KCP: variants seen among roughly 807,000 people sequenced by gnomAD.
KCP encodes the protein kielin/chordin-like protein.
KCP carries 194 observed loss-of-function variants against 212.7 expected under a neutral mutation model. The ratio of observed to expected loss-of-function variants is 0.91; its 90% CI spans 0.81 to 1.03. The LOEUF is 1.03. Ranked by LOEUF, KCP falls within the 50% of genes least tolerant of loss-of-function variation. KCP has a pLI of 0.00. For synonymous variants in KCP, 833 were observed against 865.3 expected, an observed-to-expected ratio of 0.96 and a Z score of 0.65; for missense variants, 2,080 against 2,162.5, an observed-to-expected ratio of 0.96 and a Z score of 0.76.
chr7:128,884,963 G>A, intron 27 of KCP, 100 bp from the exon 28 acceptor site: 1 of 1,486,216 alleles, frequency 6.7e-7, no homozygotes, highest in South Asian at 1.2e-5. Context: ...CTGATCCCAG[G>A]GAGTGGAGTG....
chr7:128,877,827 C>A, intron 38 of KCP, 37 bp from the exon 39 acceptor site: 2 of 1,511,612 alleles, frequency 1.3e-6, no homozygotes, highest in Non-Finnish European at 1.8e-6. Context: ...GACAGCACCA[C>A]TGGCAGCTGG....
rs529095746 is a variant in KCP, at chr7:128,880,615, G to A, written c.3616+4C>T. The A allele has an allele frequency of 1.7e-4, 208 of 1,221,158 alleles. No individual in the cohort carries two copies. In the East Asian group the frequency reaches 4.0e-3, roughly 24 times the overall value. 75.6% of individuals were successfully genotyped at this position (1,221,158 alleles called of 1,614,324 possible). On this transcript the variant is annotated splice_donor_region_variant and intron_variant, in intron 33 of 39. Transcript: ENST00000610776. ...ACCCCTCCCCCATCACCCTGGCTGCGCACCTTGGCATCGCTCACAGCAGCT... is the reference window on the plus strand; with the variant it reads ...ACCCCTCCCCCATCACCCTGGCTGCACACCTTGGCATCGCTCACAGCAGCT...
chr7:128,909,704 T>A (rs748377679), intron 1 of KCP, among the ~76,000 whole-genome samples: 3 of 152,066 alleles, frequency 2.0e-5, no homozygotes, highest in Non-Finnish European at 2.9e-5. Context: ...AGCCGAAGTC[T>A]CCCAGGAGCA....
intron 38 of KCP, 51 bp downstream of exon 38, chr7:128,878,507 T>C (rs1474356739): frequency 1.8e-5 from 27 of 1,506,666 alleles, no homozygotes; most frequent in Non-Finnish European, 2.4e-5. Context: ...CTGAGACTCA[T>C]GCTCAGCTGC....
chr7:128,887,837 A>AT, intron 22 of KCP, among the ~76,000 whole-genome samples: 1 of 150,408 alleles, frequency 6.6e-6, no homozygotes, highest in African/African-American at 2.5e-5. Context: ...ACACACACAC[A>AT]CACACATACA....
At position 128,891,747 on chromosome 7, in the gene KCP, C is replaced by G; in HGVS notation, c.1694G>C (p.Cys565Ser). 6.9e-7 allele frequency: 1 copy of G among 1,448,132 alleles called. No individual in the cohort carries two copies. The highest frequency in any genetic ancestry group is 9.1e-7 in the Non-Finnish European group (1 of 1,098,256). 89.7% of individuals were successfully genotyped at this position (1,448,132 alleles called of 1,614,324 possible). Residue 565 changes from cysteine to serine, a missense_variant, in exon 17 of 40, where the codon TGC (cysteine) becomes TCC (serine). Cys to Ser is a moderately radical substitution (Grantham distance 112). Transcript: ENST00000610776. ...GTGGGCATGGCCTTCCTGGCATCGG[C>G]ACTCCTGGCAGGGGTCTCGGGGGTG... is the stretch of plus-strand genomic sequence containing the variant. ...FSHPRDPCQECRCQEGHAHCQ... is the reference protein window; with the variant it reads ...FSHPRDPCQESRCQEGHAHCQ...
At position 128,888,034 on chromosome 7, in the gene KCP, TACACACACACAC is replaced by T. The variant is rs567635972; in HGVS notation, c.2513-746_2513-735del. ...ACCCACACACAGCCACACACACACATACACACACACACACACACATCCCACATACACAGACAC... is the reference window on the plus strand; with the variant it reads ...ACCCACACACAGCCACACACACACATACACACATCCCACATACACAGACAC... On this transcript the variant is annotated intron_variant, in intron 22 of 39. Transcript: ENST00000610776. Among the ~76,000 whole-genome samples the T allele has an allele frequency of 7.6e-5, 7 of 91,796 alleles. No homozygotes were observed. In the South Asian group the frequency reaches 1.7e-3, roughly 23 times the overall value. The allele number at this position is 91,796 out of a possible 152,430, so 60.2% of individuals were successfully genotyped here.
At chr7:128,886,613 A>G (rs1471233230) in intron 25 of KCP, 42 bp downstream of exon 25, 40 of 1,550,096 alleles carry the variant, frequency 2.6e-5, no homozygotes, top group Non-Finnish European at 3.4e-5. Context: ...CAGAGGTGCT[A>G]TGGTCCAGCT....
chr7:128,887,129 C>T, intron 23 of KCP, 86 bp downstream of exon 23: 1 of 1,261,404 alleles, frequency 7.9e-7, no homozygotes, highest in Non-Finnish European at 1.1e-6. Flanking sequence ...GCCCTTGCCA[C>T]CTGAGTGGAG....
Position 128,887,214 on chromosome 7 carries a change from C to T in KCP, c.2598+1G>A, listed in dbSNP as rs749479519. 1.9e-6 allele frequency: 3 copies of T among 1,551,448 alleles called. No homozygotes were observed. The highest frequency in any genetic ancestry group is 2.0e-5 in the Admixed American group (1 of 50,984). ...CCAAGGTCCTAAAGGGGCTGCCTCA[C>T]CTGGCAGGTGCAGAGGGAGCAGGTA... On this transcript the variant is annotated splice_donor_variant, in intron 23 of 39. Transcript: ENST00000610776. LOFTEE classifies it high-confidence loss of function.
rs150658852 is a variant in KCP, at chr7:128,879,469, C to G, written c.4146+53G>C. 1,386 of 1,472,804 alleles carry G rather than the reference C, an allele frequency of 9.4e-4. 3 individuals are homozygous for G. Among genetic ancestry groups the G allele is most frequent in the Non-Finnish European group, 1.1e-3 (1,218 of 1,084,132 alleles). 91.2% of individuals were successfully genotyped at this position (1,472,804 alleles called of 1,614,324 possible). ...CCCTCTACAGATACAGAGGCCTAAA[C>G]AGGACTGAAGCTCCCAGCAGGCAGC... is the stretch of plus-strand genomic sequence containing the variant. On this transcript the variant is annotated intron_variant, in intron 37 of 39. Coordinates refer to ENST00000610776, the MANE Select transcript of KCP (RefSeq NM_001366122.1).
intron 8 of KCP, 120 bp downstream of exon 8, chr7:128,902,656 AG>A: frequency 6.8e-6 from 6 of 884,684 alleles, no homozygotes; most frequent in South Asian, 6.2e-5. Flanking sequence ...GACAGCGCCT[AG>A]GTCTTCTCCA....
rs1180836230 is a variant in KCP, at chr7:128,886,559, TG to T, written c.2773-3del. ...CCGCACACAGCTGACCTGGCCAGCCTGTAGGAGATGCAGGGACACTGGCTCG... is the reference window on the plus strand; with the variant it reads ...CCGCACACAGCTGACCTGGCCAGCCTTAGGAGATGCAGGGACACTGGCTCG... On this transcript the variant is annotated splice_polypyrimidine_tract_variant and splice_region_variant and intron_variant, in intron 25 of 39. Transcript: ENST00000610776. The T allele has an allele frequency of 6.4e-7, 1 of 1,551,150 alleles. No homozygotes were observed. The highest frequency in any genetic ancestry group is 1.4e-5 in the African/African-American group (1 of 73,106).
intron 37 of KCP, chr7:128,879,097 C>A (rs980171169): frequency 2.8e-6 from 1 of 361,338 alleles, no homozygotes; most frequent in Non-Finnish European, 5.1e-6. Context: ...GAAGTGTACA[C>A]CCTTATTCTA....
rs1324871421 is a variant in KCP at position 128,910,666 on chromosome 7, A to G, written c.11T>C (p.Val4Ala). The change falls in exon 1 of 40, where the codon GTC (valine) becomes GCC (alanine). Residue 4 changes from valine to alanine, a missense_variant. Physicochemically the swap from Val to Ala is moderately conservative, Grantham distance 64 (BLOSUM62 0). Transcript: ENST00000610776. ...GAGAAGGGACAGCGCAGCGGCCCCG[A>G]CCCCGGCCATGCTAGCTCCGCCTCG... Reference protein sequence around the residue: MAGVGAAALSLLLH... With the variant: MAGAGAAALSLLLH... The G allele has an allele frequency of 1.3e-6, 2 of 1,504,512 alleles. No individual in the cohort carries two copies. The highest frequency in any genetic ancestry group is 2.7e-5 in the East Asian group (1 of 36,978). 93.2% of individuals were successfully genotyped at this position (1,504,512 alleles called of 1,614,324 possible). A position where few individuals can be genotyped will look rare whatever the true frequency, so the allele number is the denominator to read the frequency against.
intron 31 of KCP, 60 bp from the exon 32 acceptor site, chr7:128,881,145 G>A (rs189816665): frequency 9.5e-5 from 38 of 398,990 alleles, no homozygotes; most frequent in Admixed American, 4.8e-4. Context: ...CTCCCTCCTT[G>A]GAGCTTACCC....
Position 128,893,270 on chromosome 7 carries a change from G to T in KCP, c.1235C>A (p.Ala412Asp), listed in dbSNP as rs1250140142. Residue 412 changes from alanine (A) to aspartate (D), a missense_variant, in exon 13 of 40, where the codon GCC becomes GAC. Physicochemically the swap from Ala to Asp is moderately radical, Grantham distance 126. Coordinates refer to ENST00000610776, the MANE Select transcript of KCP (RefSeq NM_001366122.1). ...EEQECPVTPC[A>D]LPASGRQLCP... ...GAGCTGGCGGCCAGAGGCAGGCAGG[G>T]CACAGGGGGTGACTGGGCACTCCTG... The T allele has an allele frequency of 6.4e-7, 1 of 1,551,454 alleles. No individual in the cohort carries two copies. Among genetic ancestry groups the T allele is most frequent in the East Asian group, 2.4e-5 (1 of 40,912 alleles).
At position 128,907,052 on chromosome 7, in the gene KCP, G is replaced by A. The variant is rs73461537; in HGVS notation, c.486+49C>T. ...GCCACGCTGCAGTGACAGGTAGCTGGAGAGAGGCAGACAGGTGAGGGATAT... is the reference window on the plus strand; with the variant it reads ...GCCACGCTGCAGTGACAGGTAGCTGAAGAGAGGCAGACAGGTGAGGGATAT... On this transcript the variant is annotated intron_variant, in intron 4 of 39. Transcript: ENST00000610776. 665 of 1,514,984 alleles carry A rather than the reference G, an allele frequency of 4.4e-4. 3 individuals are homozygous for A. The African/African-American group carries it at 8.1e-3, about 19-fold the overall frequency. The allele number at this position is 1,514,984 out of a possible 1,614,324, so 93.8% of individuals were successfully genotyped here.
At chr7:128,898,804 A>G (rs912964193) in intron 8 of KCP, among the ~76,000 whole-genome samples, 4 of 152,222 alleles carry the variant, frequency 2.6e-5, no homozygotes, top group African/African-American at 9.6e-5. Flanking sequence ...TTGTGTGTGA[A>G]CATATTGGTT....
Sources: gnomAD v4.1 joint callset for allele counts (sites outside exome capture counted in the v4.1 genomes callset) on GRCh38, gnomAD v4.1.1 for gene constraint, MANE v1.5 for transcripts, NCBI Gene and HGNC (gene_info 2026-07-23, HGNC 2026-07-21) for gene names.